The following CNTNAP2 variants were observed in gnomAD, a reference collection of about 807,000 sequenced individuals.
CNTNAP2 encodes contactin-associated protein-like 2.
In CNTNAP2, 98 loss-of-function variants were observed where a neutral mutation model predicts 155.2. The ratio of observed to expected loss-of-function variants is 0.63; its 90% CI spans 0.54 to 0.75. The LOEUF (loss-of-function observed/expected upper bound fraction) is 0.75, where lower values mean the gene tolerates loss of function less well. Among genes scored for constraint, CNTNAP2 ranks in the 30% least tolerant of loss-of-function variants. The probability of loss-of-function intolerance (pLI) is 0.00; values close to 1 mark genes in which losing one functional copy is unlikely to be tolerated. For synonymous variants in CNTNAP2, 651 were observed against 631.2 expected, an observed-to-expected ratio of 1.03 and a Z score of -0.47; for missense variants, 1,727 against 1,688.1, an observed-to-expected ratio of 1.02 and a Z score of -0.40.
intron 1 of CNTNAP2, among the ~76,000 whole-genome samples, chr7:146,563,312 G>A (rs1418968634): frequency 1.3e-5 from 2 of 151,756 alleles, no homozygotes; most frequent in Non-Finnish European, 2.9e-5. Flanking sequence ...CATCCTTTAA[G>A]GCTAACTGAG....
At chr7:146,409,703 C>T (rs966059432) in intron 1 of CNTNAP2, among the ~76,000 whole-genome samples, 2 of 152,160 alleles carry the variant, frequency 1.3e-5, no homozygotes, top group African/African-American at 4.8e-5. Flanking sequence ...TCACTGCATC[C>T]TCCTCCCCAA....
chr7:147,313,785 T>C (rs2116802081), intron 9 of CNTNAP2, among the ~76,000 whole-genome samples: 1 of 152,194 alleles, frequency 6.6e-6, no homozygotes. Flanking sequence ...AGTAGTTTTT[T>C]CCCATTCTGT....
chr7:146,640,121 A>C (rs143511235), intron 1 of CNTNAP2, among the ~76,000 whole-genome samples: 128 of 152,336 alleles, frequency 8.4e-4, no homozygotes, highest in African/African-American at 3.0e-3. Context: ...AAAGCTATAA[A>C]AGCCTTAGCT....
intron 1 of CNTNAP2, among the ~76,000 whole-genome samples, chr7:146,320,648 G>A (rs770963310): frequency 6.6e-6 from 1 of 152,082 alleles, no homozygotes; most frequent in Non-Finnish European, 1.5e-5. Context: ...CAAAGTGGTG[G>A]ATTGATTTAA....
intron 4 of CNTNAP2, among the ~76,000 whole-genome samples, chr7:147,091,564 G>C (rs897975134): frequency 2.6e-5 from 4 of 151,296 alleles, no homozygotes; most frequent in African/African-American, 9.7e-5. Context: ...AGATTCTCTT[G>C]CCTCAGCTTC....
intron 1 of CNTNAP2, among the ~76,000 whole-genome samples, chr7:146,383,360 C>G (rs1050329552): frequency 1.3e-5 from 2 of 152,030 alleles, no homozygotes; most frequent in African/African-American, 4.8e-5. Context: ...CTGTATATCA[C>G]TTCACAAGCA....
chr7:147,033,514 G>A (rs1370306752), intron 3 of CNTNAP2, among the ~76,000 whole-genome samples: 1 of 151,628 alleles, frequency 6.6e-6, no homozygotes, highest in Admixed American at 6.6e-5. Flanking sequence ...TTTCCTGTAA[G>A]ATATTATCAA....
At chr7:146,128,212 T>C (rs1797665102) in intron 1 of CNTNAP2, among the ~76,000 whole-genome samples, 1 of 152,344 alleles carries the variant, frequency 6.6e-6, no homozygotes, top group Non-Finnish European at 1.5e-5. Flanking sequence ...AATGGTTGTA[T>C]TAAAGGAACT....
chr7:148,297,360 C>CAA (rs999059780), intron 21 of CNTNAP2, among the ~76,000 whole-genome samples: 1 of 152,124 alleles, frequency 6.6e-6, no homozygotes, highest in African/African-American at 2.4e-5. Context: ...GGTTCCCATC[C>CAA]AAGACTGTAG....
Position 147,128,702 on chromosome 7 carries a change from G to A in CNTNAP2, c.949G>A (p.Gly317Arg), listed in dbSNP as rs1801287556. 6.2e-7 allele frequency: 1 copy of A among 1,613,108 alleles called. No individual in the cohort carries two copies. Among genetic ancestry groups the A allele is most frequent in the African/African-American group, 1.3e-5 (1 of 74,850 alleles). The change falls in exon 7 of 24, where the codon GGA (glycine) becomes AGA (arginine). Residue 317 changes from glycine (G) to arginine (R), a missense_variant. Transcript: ENST00000361727. Reference sequence around the variant, plus strand: ...TTTCTTTTTCTCAAAGATAACCTTTGGAGGCATCCCTTTCTCTGGCAAGCC... The same window carrying A: ...TTTCTTTTTCTCAAAGATAACCTTTAGAGGCATCCCTTTCTCTGGCAAGCC... ...YLDLDYEITF[G>R]GIPFSGKPSS...
chr7:146,747,537 C>T (rs912600642), intron 1 of CNTNAP2, among the ~76,000 whole-genome samples: 39 of 152,230 alleles, frequency 2.6e-4, no homozygotes, highest in African/African-American at 7.9e-4. Context: ...ACTCCTTAAT[C>T]ATCATCATAC....
At chr7:146,684,428 A>G (rs1800558401) in intron 1 of CNTNAP2, among the ~76,000 whole-genome samples, 1 of 152,086 alleles carries the variant, frequency 6.6e-6, no homozygotes, top group South Asian at 2.1e-4. Context: ...AAAAAATCAA[A>G]ATATCCTCCA....
intron 8 of CNTNAP2, among the ~76,000 whole-genome samples, chr7:147,261,243 TG>T (rs1162013146): frequency 6.6e-6 from 1 of 152,182 alleles, no homozygotes; most frequent in Non-Finnish European, 1.5e-5. Flanking sequence ...GGCAGTGGAT[TG>T]AAATCCAGGC....
rs1302634736 is a variant in CNTNAP2 at position 147,783,553 on chromosome 7, C to CACACCTCACAA, written c.2099-120011_2099-120010insCACCTCACAAA. Among the ~76,000 whole-genome samples, 90 of 152,288 alleles carry CACACCTCACAA rather than the reference C, an allele frequency of 5.9e-4. 1 individual carries two copies. Among genetic ancestry groups the CACACCTCACAA allele is most frequent in the African/African-American group, 2.1e-3 (87 of 41,552 alleles). The stretch of plus-strand genomic sequence containing the variant: ...TAAACAACAGAAGTTTGTCACCTCA[C>CACACCTCACAA]AGTTCTGGAGGCCAGAAATTTGAGA... On this transcript the variant is annotated intron_variant, in intron 13 of 23. Coordinates refer to ENST00000361727, the MANE Select transcript of CNTNAP2 (RefSeq NM_014141.6).
intron 3 of CNTNAP2, among the ~76,000 whole-genome samples, chr7:146,976,003 G>A (rs908831783): frequency 2.0e-5 from 3 of 152,084 alleles, no homozygotes; most frequent in East Asian, 3.9e-4. Context: ...CGAAGAAACC[G>A]GTATGTAATT....
chr7:146,334,714 G>T (rs543031642), intron 1 of CNTNAP2, among the ~76,000 whole-genome samples: 1 of 152,058 alleles, frequency 6.6e-6, no homozygotes, highest in African/African-American at 2.4e-5. Context: ...CTCCTCCTCT[G>T]CAAGTGTAAT....
chr7:146,749,465 GTGTA>G (rs1445536860), intron 1 of CNTNAP2, among the ~76,000 whole-genome samples: 4 of 152,102 alleles, frequency 2.6e-5, no homozygotes, highest in African/African-American at 4.8e-5. Context: ...TTAAACTTGT[GTGTA>G]TGTTTTATCT....
At chr7:146,870,998 C>T (rs1301242974) in intron 3 of CNTNAP2, among the ~76,000 whole-genome samples, 1 of 152,156 alleles carries the variant, frequency 6.6e-6, no homozygotes, top group Non-Finnish European at 1.5e-5. Context: ...TCTGTTTATA[C>T]ATTACTTTGC....
At chr7:147,502,745 A>G (rs979666738) in intron 11 of CNTNAP2, among the ~76,000 whole-genome samples, 1 of 150,844 alleles carries the variant, frequency 6.6e-6, no homozygotes, top group East Asian at 1.9e-4. Context: ...GTGTGTGTAT[A>G]TATATATATA....
Sources: gnomAD v4.1 joint callset for allele counts (sites outside exome capture counted in the v4.1 genomes callset) on GRCh38, gnomAD v4.1.1 for gene constraint, MANE v1.5 for transcripts, NCBI Gene and HGNC (gene_info 2026-07-23, HGNC 2026-07-21) for gene names.